The following KCNIP4 variants were observed in gnomAD, a reference collection of about 807,000 sequenced individuals.
KCNIP4 encodes the protein Kv channel-interacting protein 4.
A neutral mutation model predicts 34.0 loss-of-function variants in KCNIP4; 12 were observed. The observed-to-expected ratio is 0.35, with a 90% CI of 0.23 to 0.57. KCNIP4 has a LOEUF of 0.57. Among genes scored for constraint, KCNIP4 ranks in the 20% least tolerant of loss-of-function variants. KCNIP4 has a pLI of 0.83. For synonymous variants in KCNIP4, 124 were observed against 102.2 expected, an observed-to-expected ratio of 1.21 and a Z score of -1.29; for missense variants, 238 against 311.7, an observed-to-expected ratio of 0.76 and a Z score of 1.78.
rs548526046 is a variant in KCNIP4 at position 21,928,395 on chromosome 4, T to G, written c.61+20176A>C. On this transcript the variant is annotated intron_variant, in intron 1 of 8. Coordinates refer to ENST00000382152, the MANE Select transcript of KCNIP4 (RefSeq NM_025221.6). ...GATTAAAATACATAAAACAGCCCAA[T>G]TCATCATACCCAGCATATCTTTAAT... Among the ~76,000 whole-genome samples, 7 of 152,200 alleles carry G rather than the reference T, an allele frequency of 4.6e-5. No individual in the cohort carries two copies. The South Asian group carries it at 1.0e-3, about 23-fold the overall frequency.
intron 1 of KCNIP4, among the ~76,000 whole-genome samples, chr4:21,704,748 ACT>A (rs1254552106): frequency 6.6e-6 from 1 of 152,150 alleles, no homozygotes; most frequent in Non-Finnish European, 1.5e-5. Flanking sequence ...AAACTGGATC[ACT>A]CATACATGGA....
chr4:21,318,307 A>T, intron 1 of KCNIP4, among the ~76,000 whole-genome samples: 1 of 152,206 alleles, frequency 6.6e-6, no homozygotes, highest in East Asian at 1.9e-4. Flanking sequence ...ATTAAATTTC[A>T]ATTATGTACA....
intron 1 of KCNIP4, among the ~76,000 whole-genome samples, chr4:21,228,035 C>A (rs567662920): frequency 6.6e-6 from 1 of 152,070 alleles, no homozygotes; most frequent in Non-Finnish European, 1.5e-5. Context: ...CACATTGCTG[C>A]GATTGCTTCT....
intron 1 of KCNIP4, among the ~76,000 whole-genome samples, chr4:20,885,003 A>T (rs767259372): frequency 3.9e-5 from 6 of 152,006 alleles, no homozygotes; most frequent in Non-Finnish European, 8.8e-5. Context: ...GCCCAGCCCC[A>T]TGAGGCTTTT....
At chr4:21,014,408 G>T (rs1418178955) in intron 1 of KCNIP4, among the ~76,000 whole-genome samples, 1 of 152,056 alleles carries the variant, frequency 6.6e-6, no homozygotes, top group Non-Finnish European at 1.5e-5. Flanking sequence ...CGCCTTAAAG[G>T]AAACATCCAA....
chr4:20,860,307 T>C (rs1722057450), intron 2 of KCNIP4, among the ~76,000 whole-genome samples: 1 of 152,062 alleles, frequency 6.6e-6, no homozygotes, highest in Non-Finnish European at 1.5e-5. Flanking sequence ...ACCTGGCTAA[T>C]TTTTGTATTT....
chr4:21,437,496 T>C (rs954986323), intron 1 of KCNIP4, among the ~76,000 whole-genome samples: 18 of 152,210 alleles, frequency 1.2e-4, no homozygotes, highest in Admixed American at 6.5e-5. Context: ...CCTAAGCCCC[T>C]GAGGCAGTTT....
At chr4:21,723,252 A>C (rs1030748519) in intron 1 of KCNIP4, among the ~76,000 whole-genome samples, 13 of 152,150 alleles carry the variant, frequency 8.5e-5, no homozygotes, top group African/African-American at 3.1e-4. Flanking sequence ...GCTAAAATTC[A>C]TATATTTCCC....
intron 1 of KCNIP4, among the ~76,000 whole-genome samples, chr4:21,880,484 G>A (rs1423282948): frequency 6.6e-6 from 1 of 152,070 alleles, no homozygotes; most frequent in Non-Finnish European, 1.5e-5. Context: ...AAAGCCAGCA[G>A]CTAGTTATTT....
chr4:21,074,970 A>C (rs887494803), intron 1 of KCNIP4, among the ~76,000 whole-genome samples: 1 of 152,106 alleles, frequency 6.6e-6, no homozygotes, highest in Admixed American at 6.6e-5. Flanking sequence ...CTTAATCCTG[A>C]GCTCTAGTTT....
intron 1 of KCNIP4, among the ~76,000 whole-genome samples, chr4:21,798,404 C>CAAATATATATATATATAT (rs1720761180): frequency 7.7e-6 from 1 of 129,644 alleles, no homozygotes; most frequent in Non-Finnish European, 1.7e-5. Flanking sequence ...CAAAAAAATA[C>CAAATATATATATATATAT]ATATATATAT....
At chr4:21,171,749 G>T (rs776992932) in intron 1 of KCNIP4, among the ~76,000 whole-genome samples, 1 of 152,070 alleles carries the variant, frequency 6.6e-6, no homozygotes, top group Non-Finnish European at 1.5e-5. Context: ...CATGTTGCCC[G>T]GGAAGAATAA....
At chr4:20,944,480 C>T (rs1731981265) in intron 1 of KCNIP4, among the ~76,000 whole-genome samples, 1 of 152,200 alleles carries the variant, frequency 6.6e-6, no homozygotes, top group Non-Finnish European at 1.5e-5. Flanking sequence ...ATGGAAAATT[C>T]ACTTGTGCTT....
chr4:21,312,796 C>T (rs16870778), intron 1 of KCNIP4, among the ~76,000 whole-genome samples: 13,186 of 152,198 alleles, frequency 0.087, 653 homozygotes, highest in African/African-American at 0.12. Context: ...AATGATCCCA[C>T]ACTTTTCTGC....
chr4:21,516,095 A>G (rs560453248), intron 1 of KCNIP4, among the ~76,000 whole-genome samples: 2 of 152,318 alleles, frequency 1.3e-5, no homozygotes, highest in South Asian at 4.1e-4. Context: ...TGATGAATGA[A>G]AAACATCTAG....
chr4:21,528,767 GAAA>G (rs1736330750), intron 1 of KCNIP4, among the ~76,000 whole-genome samples: 5 of 10,946 alleles, frequency 4.6e-4, no homozygotes, highest in Non-Finnish European at 8.6e-4. Context: ...AAGAAAGAAA[GAAA>G]GAAAGAAAGG....
chr4:21,214,224 A>C (rs1308427235), intron 1 of KCNIP4, among the ~76,000 whole-genome samples: 1 of 152,192 alleles, frequency 6.6e-6, no homozygotes, highest in Non-Finnish European at 1.5e-5. Flanking sequence ...AACAATGTGT[A>C]TGTGTATTAC....
chr4:21,293,133 CTCTG>C (rs1311819667), intron 1 of KCNIP4, among the ~76,000 whole-genome samples: 11 of 152,308 alleles, frequency 7.2e-5, no homozygotes, highest in African/African-American at 2.4e-4. Context: ...GCCTCATCTA[CTCTG>C]TCTGTCTTAT....
At chr4:21,183,279 C>G (rs1754978038) in intron 1 of KCNIP4, among the ~76,000 whole-genome samples, 1 of 152,048 alleles carries the variant, frequency 6.6e-6, no homozygotes, top group Non-Finnish European at 1.5e-5. Flanking sequence ...GTAGTCTAGC[C>G]ATTGTGAATA....
Sources: gnomAD v4.1 joint callset for allele counts (sites outside exome capture counted in the v4.1 genomes callset) on GRCh38, gnomAD v4.1.1 for gene constraint, MANE v1.5 for transcripts, NCBI Gene and HGNC (gene_info 2026-07-23, HGNC 2026-07-21) for gene names.